The following PUDP variants were observed in gnomAD, a reference collection of about 807,000 sequenced individuals.
The protein encoded by PUDP is pseudouridine-5'-phosphatase.
In PUDP, 8 loss-of-function variants were observed where a neutral mutation model predicts 9.4. The observed-to-expected ratio is 0.85, with a 90% CI of 0.50 to 1.53. PUDP has a LOEUF of 1.53. PUDP is among the 40% of genes most tolerant of loss of function. The probability of loss-of-function intolerance (pLI) is 0.00; values close to 1 mark genes in which losing one functional copy is unlikely to be tolerated. For missense variants in PUDP, 188 were observed against 189.7 expected, an observed-to-expected ratio of 0.99 and a Z score of 0.05; for synonymous variants, 99 against 80.7, an observed-to-expected ratio of 1.23 and a Z score of -1.22.
At chrX:6,713,566 G>A (rs1313787093) in intron 1 of PUDP, among the ~76,000 whole-genome samples, 1 of 112,316 alleles carries the variant, frequency 8.9e-6, no homozygotes, top group Non-Finnish European at 1.9e-5. Context: ...TTTGATAGGT[G>A]ACGTGTATTA....
At chrX:6,828,935 C>T (rs1302840263) in intron 3 of PUDP, among the ~76,000 whole-genome samples, 1 of 110,866 alleles carries the variant, frequency 9.0e-6, no homozygotes, top group Non-Finnish European at 1.9e-5. Context: ...TACGTATTCA[C>T]CTACTGATAT....
intron 3 of PUDP, among the ~76,000 whole-genome samples, chrX:6,731,657 T>C (rs1309749589): frequency 9.2e-6 from 1 of 109,209 alleles, no homozygotes; most frequent in Admixed American, 1.0e-4. Flanking sequence ...TTCATATAAT[T>C]ATATTTCACA....
At chrX:6,823,372 T>C (rs1181948271) in intron 3 of PUDP, among the ~76,000 whole-genome samples, 1 of 111,940 alleles carries the variant, frequency 8.9e-6, no homozygotes, top group East Asian at 2.8e-4. Context: ...GCAGGCCTTT[T>C]CCATGCCTTT....
chrX:6,968,986 G>C (rs2146792098), intron 3 of PUDP, among the ~76,000 whole-genome samples: 1 of 112,079 alleles, frequency 8.9e-6, no homozygotes, highest in East Asian at 2.8e-4. Context: ...CATAGATCTA[G>C]TGTTGGTCAA....
intron 3 of PUDP, among the ~76,000 whole-genome samples, chrX:6,810,997 A>G (rs1178348673): frequency 3.6e-5 from 4 of 111,619 alleles, no homozygotes; most frequent in Non-Finnish European, 7.5e-5. Context: ...AGGTGGACCA[A>G]GCCAAACATG....
At chrX:7,039,104 G>GT (rs770613354) in intron 1 of PUDP, among the ~76,000 whole-genome samples, 2 of 110,243 alleles carry the variant, frequency 1.8e-5, no homozygotes, top group African/African-American at 3.3e-5. Context: ...TAATTTTTAA[G>GT]TTTTTTTGTA....
chrX:6,949,967 T>A (rs1010940471), intron 3 of PUDP, among the ~76,000 whole-genome samples: 1 of 111,319 alleles, frequency 9.0e-6, no homozygotes, highest in African/African-American at 3.3e-5. Flanking sequence ...TACCCTCAAT[T>A]CCTGGCCATG....
At chrX:6,707,402 CTTTA>C (rs1389075392) in intron 1 of PUDP, among the ~76,000 whole-genome samples, 1 of 111,787 alleles carries the variant, frequency 8.9e-6, no homozygotes, top group Non-Finnish European at 1.9e-5. Context: ...TTATTGTACA[CTTTA>C]TTTATATTAT....
chrX:6,821,629 G>A (rs1329770245), intron 3 of PUDP, among the ~76,000 whole-genome samples: 1 of 111,962 alleles, frequency 8.9e-6, no homozygotes, highest in Non-Finnish European at 1.9e-5. Context: ...GATAGTTAGG[G>A]TAAAAGGAGT....
intron 3 of PUDP, among the ~76,000 whole-genome samples, chrX:6,976,603 C>T (rs1928959867): frequency 8.9e-6 from 1 of 111,919 alleles, no homozygotes; most frequent in Admixed American, 9.4e-5. Flanking sequence ...CTGCCTTTTG[C>T]GTTGATCTCA....
chrX:6,836,951 G>A (rs1216437326), intron 3 of PUDP, among the ~76,000 whole-genome samples: 2 of 111,983 alleles, frequency 1.8e-5, no homozygotes, highest in Non-Finnish European at 3.8e-5. Context: ...AAAAACTGAG[G>A]AAAAGCAGGA....
At chrX:6,861,537 G>A (rs1284402985) in intron 3 of PUDP, among the ~76,000 whole-genome samples, 1 of 111,827 alleles carries the variant, frequency 8.9e-6, no homozygotes, top group Non-Finnish European at 1.9e-5. Context: ...TATTCAAAGT[G>A]CGCACATAGC....
intron 3 of PUDP, among the ~76,000 whole-genome samples, chrX:7,051,178 A>G (rs1930091374): frequency 1.8e-5 from 2 of 111,464 alleles, no homozygotes; most frequent in South Asian, 7.6e-4. Context: ...GCGGATAAAG[A>G]AAATGAGGCA....
chrX:6,974,240 G>T (rs952313215), intron 3 of PUDP, among the ~76,000 whole-genome samples: 5 of 112,053 alleles, frequency 4.5e-5, no homozygotes, highest in African/African-American at 1.6e-4. Context: ...ATTTGATCCT[G>T]TCATTGTGAT....
At chrX:7,032,455 G>T (rs1275715417) in intron 1 of PUDP, among the ~76,000 whole-genome samples, 2 of 112,128 alleles carry the variant, frequency 1.8e-5, no homozygotes, top group African/African-American at 6.5e-5. Flanking sequence ...TTCAAATGGA[G>T]CAGAACCCAA....
chrX:7,147,617 G>A (rs1162218988), intron 1 of PUDP, among the ~76,000 whole-genome samples: 1 of 112,408 alleles, frequency 8.9e-6, no homozygotes, highest in Admixed American at 9.3e-5. Context: ...GTATCCTCCA[G>A]GCTACTTTGC....
intron 3 of PUDP, among the ~76,000 whole-genome samples, chrX:6,944,363 C>T (rs1024747626): frequency 9.0e-6 from 1 of 111,628 alleles, no homozygotes; most frequent in Non-Finnish European, 1.9e-5. Flanking sequence ...ATTGCCCAGT[C>T]TCGGGCAGTA....
chrX:6,967,041 G>A (rs1928796626), intron 3 of PUDP, among the ~76,000 whole-genome samples: 1 of 111,747 alleles, frequency 8.9e-6, no homozygotes, highest in African/African-American at 3.3e-5. Flanking sequence ...TGTGTCTAGG[G>A]AGGGTATGTA....
rs1171295599 is a variant in PUDP at position 7,090,645 on chromosome X, T to C, written c.281-13196A>G. The stretch of plus-strand genomic sequence containing the variant: ...GAATTTCGTACTATTTTCTAAAATG[T>C]GGGACATTCAGGAAATGTCCACTTC... On this transcript the variant is annotated intron_variant, in intron 2 of 3. Transcript: ENST00000381077. 5.4e-5 allele frequency among the ~76,000 whole-genome samples: 6 copies of C among 111,981 alleles called. No individual in the cohort carries two copies. The Admixed American group carries it at 5.7e-4, about 11-fold the overall frequency.
Sources: allele counts gnomAD v4.1 joint callset (sites outside exome capture counted in the v4.1 genomes callset), GRCh38; gene constraint gnomAD v4.1.1; transcripts MANE v1.5; gene names NCBI Gene and HGNC (gene_info 2026-07-23, HGNC 2026-07-21).